The following GPHN variants were observed in gnomAD, a reference collection of about 807,000 sequenced individuals.
GPHN encodes gephyrin.
In GPHN, 17 loss-of-function variants were observed where a neutral mutation model predicts 95.5. The observed-to-expected ratio is 0.18, with a 90% CI of 0.12 to 0.27. The LOEUF (loss-of-function observed/expected upper bound fraction) is 0.27, where lower values mean the gene tolerates loss of function less well. GPHN is among the 10% of genes least tolerant of loss of function. GPHN has a pLI of 1.00. For synonymous variants in GPHN, 320 were observed against 322.5 expected (o/e 0.99, Z 0.08); for missense variants, 660 against 978.1 (o/e 0.67, Z 4.34).
At chr14:67,246,653 T>TG in the GPHN span, among the ~76,000 whole-genome samples, 1 of 144,970 alleles carries the variant, frequency 6.9e-6, no homozygotes, top group East Asian at 2.0e-4. Flanking sequence ...CTATAGGTTT[T>TG]TTTTTTTTTT....
the GPHN span, among the ~76,000 whole-genome samples, chr14:67,643,022 C>T: frequency 9.9e-4 from 151 of 152,070 alleles, no homozygotes; most frequent in African/African-American, 3.4e-3. Context: ...AGACTGGTCT[C>T]GAACTCCTGA....
At chr14:67,646,707 A>G in the GPHN span, 8 of 1,613,818 alleles carry the variant, frequency 5.0e-6, no homozygotes, top group Non-Finnish European at 6.8e-6. Flanking sequence ...TATTGTGTAT[A>G]TTGGTCTGAG....
chr14:66,793,857 A>C (rs2060062877), intron 3 of GPHN, among the ~76,000 whole-genome samples: 1 of 152,202 alleles, frequency 6.6e-6, no homozygotes, highest in African/African-American at 2.4e-5. Flanking sequence ...GAAAACATTA[A>C]AAGGGAATAA....
At chr14:67,474,938 C>T in the GPHN span, among the ~76,000 whole-genome samples, 41 of 112,120 alleles carry the variant, frequency 3.7e-4, no homozygotes, top group African/African-American at 1.6e-3. Context: ...TTTTTTGTGA[C>T]GGAGTCTCGC....
At chr14:67,157,359 GAA>G (rs1164943377) in intron 18 of GPHN, among the ~76,000 whole-genome samples, 1 of 152,006 alleles carries the variant, frequency 6.6e-6, no homozygotes. Flanking sequence ...ACCTCAAAAT[GAA>G]AAATACGTGA....
At chr14:66,843,534 GAT>G (rs541709891) in intron 4 of GPHN, among the ~76,000 whole-genome samples, 79 of 152,264 alleles carry the variant, frequency 5.2e-4, no homozygotes, top group African/African-American at 1.6e-3. Context: ...ATTTATTTGA[GAT>G]ATTGAAATCA....
chr14:67,320,397 C>A, the GPHN span: 2 of 1,592,754 alleles, frequency 1.3e-6, no homozygotes, highest in Non-Finnish European at 1.7e-6. Flanking sequence ...TGCAGTTCCT[C>A]GTAAGTTTGA....
At chr14:66,758,995 A>C (rs747927867) in intron 2 of GPHN, among the ~76,000 whole-genome samples, 1 of 152,212 alleles carries the variant, frequency 6.6e-6, no homozygotes, top group Non-Finnish European at 1.5e-5. Context: ...TTTTTGTCAA[A>C]AACAAATCAT....
chr14:67,623,141 T>C, the GPHN span, among the ~76,000 whole-genome samples: 2 of 152,308 alleles, frequency 1.3e-5, no homozygotes, highest in African/African-American at 4.8e-5. Context: ...TCACCAGCAG[T>C]CTGAAATAGA....
At chr14:67,338,673 T>G in the GPHN span, 1 of 1,614,150 alleles carries the variant, frequency 6.2e-7, no homozygotes, top group Middle Eastern at 1.6e-4. Flanking sequence ...ATTAGCAGGC[T>G]CCAACACCTC....
At chr14:67,324,371 A>G in the GPHN span, among the ~76,000 whole-genome samples, 1 of 152,218 alleles carries the variant, frequency 6.6e-6, no homozygotes, top group Non-Finnish European at 1.5e-5. Context: ...TTAAATATGT[A>G]AGATGGTAAC....
chr14:67,319,768 C>T, the GPHN span, among the ~76,000 whole-genome samples: 1 of 152,226 alleles, frequency 6.6e-6, no homozygotes, highest in Non-Finnish European at 1.5e-5. Flanking sequence ...CCAGCTTTCT[C>T]TGATAACACT....
rs745312391 is a variant in GPHN, at chr14:66,967,227, T to TATA, written c.963+1907_963+1909dup. ...TTGAAATGCTGAATTAGAATATTAA[T>TATA]ATAATAAAAGAAACTAGTTTGAATG... On this transcript the variant is annotated intron_variant, in intron 9 of 22. Coordinates refer to ENST00000478722, the MANE Select transcript of GPHN (RefSeq NM_020806.5). Among the ~76,000 whole-genome samples, 203 of 152,092 alleles carry TATA rather than the reference T, an allele frequency of 1.3e-3. 1 individual carries two copies. Among genetic ancestry groups the TATA allele is most frequent in the Non-Finnish European group, 1.3e-3 (86 of 67,854 alleles).
chr14:66,562,043 CTT>C (rs1251031249), intron 1 of GPHN, among the ~76,000 whole-genome samples: 1 of 152,160 alleles, frequency 6.6e-6, no homozygotes, highest in Admixed American at 6.6e-5. Context: ...AAGGGTCTCT[CTT>C]TTAAGGACTC....
chr14:66,851,226 C>A (rs1356544018), intron 4 of GPHN, among the ~76,000 whole-genome samples: 4 of 151,806 alleles, frequency 2.6e-5, no homozygotes, highest in African/African-American at 9.7e-5. Context: ...TCTATATAAC[C>A]ATCCAGATCA....
chr14:66,980,339 C>A (rs1268248237), intron 9 of GPHN, among the ~76,000 whole-genome samples: 2 of 152,082 alleles, frequency 1.3e-5, no homozygotes, highest in African/African-American at 4.8e-5. Context: ...CTTAATCCTG[C>A]TGGATAGAAA....
intron 2 of GPHN, among the ~76,000 whole-genome samples, chr14:66,708,000 T>A (rs58146014): frequency 0.31 from 47,225 of 151,926 alleles, 11,156 homozygotes; most frequent in African/African-American, 0.64. Context: ...AGTCACCCTA[T>A]AAAGTTTCAA....
At chr14:67,247,233 C>T in the GPHN span, among the ~76,000 whole-genome samples, 1 of 152,132 alleles carries the variant, frequency 6.6e-6, no homozygotes, top group Non-Finnish European at 1.5e-5. Context: ...GCAGATCTTG[C>T]AAATACTTTA....
chr14:67,130,206 C>G (rs2079613968), intron 17 of GPHN, among the ~76,000 whole-genome samples: 1 of 152,120 alleles, frequency 6.6e-6, no homozygotes, highest in African/African-American at 2.4e-5. Context: ...AACCAATGAT[C>G]ACGTCACCCA....
Sources: allele counts gnomAD v4.1 joint callset (sites outside exome capture counted in the v4.1 genomes callset), GRCh38; gene constraint gnomAD v4.1.1; transcripts MANE v1.5; gene names NCBI Gene and HGNC (gene_info 2026-07-23, HGNC 2026-07-21).